Variants in ZFPM2 observed in about 807,000 individuals in gnomAD.
ZFPM2 encodes the protein zinc finger protein, FOG family member 2, also known as zinc finger protein ZFPM2.
In ZFPM2, 20 loss-of-function variants were observed where a neutral mutation model predicts 98.6. The observed-to-expected ratio is 0.20, with a 90% CI of 0.14 to 0.29. ZFPM2 has a LOEUF of 0.29. Ranked by LOEUF, ZFPM2 falls within the 10% of genes least tolerant of loss-of-function variation. The pLI is 1.00. For missense variants in ZFPM2, 1,310 were observed against 1,388.6 expected, an observed-to-expected ratio of 0.94 and a Z score of 0.90; for synonymous variants, 518 against 502.7, an observed-to-expected ratio of 1.03 and a Z score of -0.41.
intron 3 of ZFPM2, among the ~76,000 whole-genome samples, chr8:105,534,897 G>A (rs1423988366): frequency 1.3e-5 from 2 of 152,106 alleles, no homozygotes; most frequent in Non-Finnish European, 2.9e-5. Context: ...GGAGTCAGGG[G>A]TATGCTTTCA....
chr8:105,655,390 C>G (rs768266185), intron 5 of ZFPM2, among the ~76,000 whole-genome samples: 5 of 151,912 alleles, frequency 3.3e-5, no homozygotes, highest in Non-Finnish European at 4.4e-5. Flanking sequence ...CGCCACCACG[C>G]CCAGCTAATT....
intron 1 of ZFPM2, among the ~76,000 whole-genome samples, chr8:105,412,837 G>A (rs998808240): frequency 2.6e-4 from 39 of 151,734 alleles, no homozygotes; most frequent in African/African-American, 9.0e-4. Context: ...AATAGGAACC[G>A]AGTGAGAAGC....
chr8:105,408,296 A>G lies in ZFPM2; in HGVS notation c.41-10848A>G, dbSNP rs543570251. Among the ~76,000 whole-genome samples, 33 of 151,884 alleles carry G rather than the reference A, an allele frequency of 2.2e-4. No individual in the cohort carries two copies. In the South Asian group the frequency reaches 6.8e-3, roughly 32 times the overall value. Reference sequence around the variant, plus strand: ...GTATAAAGTAAAAGTCTTTTTGAAGATATGTTTTATAGGGAGGTGCTTTTG... The same window carrying G: ...GTATAAAGTAAAAGTCTTTTTGAAGGTATGTTTTATAGGGAGGTGCTTTTG... On this transcript the variant is annotated intron_variant, in intron 1 of 7. Coordinates refer to ENST00000407775, the MANE Select transcript of ZFPM2 (RefSeq NM_012082.4).
chr8:105,424,165 T>C (rs1287772148), intron 2 of ZFPM2, among the ~76,000 whole-genome samples: 1 of 152,070 alleles, frequency 6.6e-6, no homozygotes, highest in Non-Finnish European at 1.5e-5. Flanking sequence ...AAAACAAAGA[T>C]AACCCCAAAG....
Position 105,801,416 on chromosome 8 carries a change from C to T in ZFPM2, c.1334C>T (p.Thr445Ile), listed in dbSNP as rs1172833347. 1 of 1,613,892 alleles carries T rather than the reference C, an allele frequency of 6.2e-7. No homozygotes were observed. Among genetic ancestry groups the T allele is most frequent in the Admixed American group, 1.7e-5 (1 of 59,998 alleles). ...GAGCTGGACAAGTGTGAGAAAAAGA[C>T]TCAGCTCTTTCTCACGAACCAGAGA... ...DTELDKCEKKTQLFLTNQRPE... is the reference protein window; with the variant it reads ...DTELDKCEKKIQLFLTNQRPE... The change falls in exon 8 of 8, where the codon ACT (threonine) becomes ATT (isoleucine). Residue 445 changes from threonine to isoleucine, a missense_variant. Transcript: ENST00000407775.
At chr8:105,475,873 G>A (rs999991399) in intron 3 of ZFPM2, among the ~76,000 whole-genome samples, 3 of 152,192 alleles carry the variant, frequency 2.0e-5, no homozygotes, top group African/African-American at 7.2e-5. Flanking sequence ...CCAAAAATGA[G>A]TCATGAGGAG....
chr8:105,721,347 G>A (rs1382709417), intron 5 of ZFPM2, among the ~76,000 whole-genome samples: 2 of 151,904 alleles, frequency 1.3e-5, no homozygotes, highest in Non-Finnish European at 2.9e-5. Flanking sequence ...CTGCCCCAAG[G>A]CACAGCACAT....
rs1212930168 is a variant in ZFPM2, at chr8:105,677,152, C to T, written c.532+42795C>T. Among the ~76,000 whole-genome samples the T allele has an allele frequency of 7.2e-5, 11 of 152,034 alleles. No homozygotes were observed. The East Asian group carries it at 1.9e-3, about 27-fold the overall frequency. On this transcript the variant is annotated intron_variant, in intron 5 of 7. Transcript: ENST00000407775. The stretch of plus-strand genomic sequence containing the variant: ...TCAAGATTTCAAGTTCAATTCTTTC[C>T]TGACATAATATGTTAGAATATTTCT...
chr8:105,646,734 C>T (rs1430663670), intron 5 of ZFPM2, among the ~76,000 whole-genome samples: 1 of 152,036 alleles, frequency 6.6e-6, no homozygotes, highest in African/African-American at 2.4e-5. Flanking sequence ...GAACAACAGT[C>T]CCCCGAGATT....
chr8:105,536,456 G>GC (rs1814454749), intron 3 of ZFPM2, among the ~76,000 whole-genome samples: 1 of 149,988 alleles, frequency 6.7e-6, no homozygotes, highest in African/African-American at 2.5e-5. Flanking sequence ...TTTTTTTTAT[G>GC]CTGTACTCCT....
chr8:105,628,756 G>A (rs772159941), intron 4 of ZFPM2, among the ~76,000 whole-genome samples: 15 of 151,896 alleles, frequency 9.9e-5, no homozygotes, highest in African/African-American at 1.9e-4. Context: ...AGCCACTTTC[G>A]TAGACAATAA....
intron 3 of ZFPM2, among the ~76,000 whole-genome samples, chr8:105,478,036 C>G (rs1012452809): frequency 2.0e-5 from 3 of 152,142 alleles, no homozygotes; most frequent in Non-Finnish European, 2.9e-5. Flanking sequence ...TTTTTCAAGT[C>G]TGGGAACATG....
intron 4 of ZFPM2, among the ~76,000 whole-genome samples, chr8:105,572,051 T>C (rs1363470969): frequency 1.4e-5 from 2 of 144,530 alleles, no homozygotes; most frequent in Non-Finnish European, 3.0e-5. Flanking sequence ...TTTTTTTTTT[T>C]TTTTGAGACG....
intron 6 of ZFPM2, among the ~76,000 whole-genome samples, chr8:105,791,526 A>AT (rs2131144860): frequency 6.6e-6 from 1 of 152,144 alleles, no homozygotes; most frequent in South Asian, 2.1e-4. Flanking sequence ...ATCAATGTTC[A>AT]TCAAGGATAT....
At chr8:105,411,630 C>A (rs1205168396) in intron 1 of ZFPM2, among the ~76,000 whole-genome samples, 2 of 151,808 alleles carry the variant, frequency 1.3e-5, no homozygotes, top group Non-Finnish European at 2.9e-5. Flanking sequence ...AAAAATATAT[C>A]ATTTCAGTAA....
intron 3 of ZFPM2, among the ~76,000 whole-genome samples, chr8:105,481,209 A>G (rs1215897046): frequency 2.0e-5 from 3 of 152,094 alleles, no homozygotes; most frequent in Non-Finnish European, 4.4e-5. Context: ...AATTGGGGCT[A>G]TATTGCTTCC....
chr8:105,745,393 A>T (rs957556976), intron 5 of ZFPM2, among the ~76,000 whole-genome samples: 1 of 152,150 alleles, frequency 6.6e-6, no homozygotes, highest in Non-Finnish European at 1.5e-5. Context: ...AGAAATAAAC[A>T]TGTTGTAACT....
intron 1 of ZFPM2, among the ~76,000 whole-genome samples, chr8:105,393,566 A>G (rs1586340458): frequency 6.6e-6 from 1 of 152,128 alleles, no homozygotes; most frequent in African/African-American, 2.4e-5. Context: ...TAATGCAAAG[A>G]CAAATTTCAG....
intron 5 of ZFPM2, among the ~76,000 whole-genome samples, chr8:105,757,284 T>C (rs1336704867): frequency 6.6e-6 from 1 of 152,200 alleles, no homozygotes; most frequent in African/African-American, 2.4e-5. Context: ...GACTCACAAG[T>C]TGAAGACAGA....
Sources: gnomAD v4.1 joint callset for allele counts (sites outside exome capture counted in the v4.1 genomes callset) on GRCh38, gnomAD v4.1.1 for gene constraint, MANE v1.5 for transcripts, NCBI Gene and HGNC (gene_info 2026-07-23, HGNC 2026-07-21) for gene names.